Variants in ZBTB20 observed in about 807,000 individuals in gnomAD.
ZBTB20 encodes zinc finger and BTB domain containing 20.
In ZBTB20, 9 loss-of-function variants were observed where a neutral mutation model predicts 56.9. The ratio of observed to expected loss-of-function variants is 0.16; its 90% confidence interval spans 0.10 to 0.28. ZBTB20 has a LOEUF of 0.28. ZBTB20 is among the 10% of genes least tolerant of loss of function. The pLI is 1.00. For synonymous variants in ZBTB20, 417 were observed against 420.7 expected (o/e 0.99, Z 0.11); for missense variants, 655 against 1,003.0 (o/e 0.65, Z 4.69).
chr3:114,456,317 G>A (rs934261494), intron 7 of ZBTB20, among the ~76,000 whole-genome samples: 1 of 151,896 alleles, frequency 6.6e-6, no homozygotes, highest in Non-Finnish European at 1.5e-5. Flanking sequence ...TAGAGGCCTC[G>A]TCTCAGCAAG....
intron 3 of ZBTB20, among the ~76,000 whole-genome samples, chr3:114,927,950 C>T (rs1213649316): frequency 6.6e-6 from 1 of 152,148 alleles, no homozygotes; most frequent in Non-Finnish European, 1.5e-5. Flanking sequence ...CTTTGATATA[C>T]CCCTGGATGT....
chr3:114,577,827 G>A (rs1056087736), intron 6 of ZBTB20, among the ~76,000 whole-genome samples: 1 of 152,224 alleles, frequency 6.6e-6, no homozygotes, highest in African/African-American at 2.4e-5. Flanking sequence ...AGCTACCATT[G>A]TAAGATCTGG....
intron 6 of ZBTB20, among the ~76,000 whole-genome samples, chr3:114,531,795 A>T (rs2953677): frequency 0.26 from 39,691 of 152,148 alleles, 5,629 homozygotes; most frequent in African/African-American, 0.39. Flanking sequence ...TACCTGGCTC[A>T]TCTCATTGGG....
At chr3:114,545,501 G>A (rs1276488024) in intron 6 of ZBTB20, among the ~76,000 whole-genome samples, 3 of 152,172 alleles carry the variant, frequency 2.0e-5, no homozygotes, top group African/African-American at 7.2e-5. Flanking sequence ...CATTGTGTGA[G>A]CCACTTGATC....
chr3:114,561,872 C>T (rs2052100909), intron 6 of ZBTB20, among the ~76,000 whole-genome samples: 1 of 152,010 alleles, frequency 6.6e-6, no homozygotes, highest in Non-Finnish European at 1.5e-5. Context: ...CCCTAAATGG[C>T]ATTTCCTTCC....
At chr3:114,831,293 A>C (rs555255254) in intron 4 of ZBTB20, among the ~76,000 whole-genome samples, 2 of 151,914 alleles carry the variant, frequency 1.3e-5, no homozygotes, top group Non-Finnish European at 2.9e-5. Flanking sequence ...TAAGGGCGCA[A>C]GCTCAGAAAC....
chr3:114,745,375 T>G (rs2066957892), intron 5 of ZBTB20, among the ~76,000 whole-genome samples: 1 of 152,154 alleles, frequency 6.6e-6, no homozygotes, highest in Non-Finnish European at 1.5e-5. Flanking sequence ...CCATGGTTAC[T>G]CTCCTTTGGA....
chr3:114,483,541 T>A (rs1230069009), intron 7 of ZBTB20, among the ~76,000 whole-genome samples: 1 of 152,070 alleles, frequency 6.6e-6, no homozygotes, highest in African/African-American at 2.4e-5. Context: ...GAAAGTATCA[T>A]ATAAGCATAC....
At chr3:114,460,064 T>C (rs2092254505) in intron 7 of ZBTB20, among the ~76,000 whole-genome samples, 1 of 152,054 alleles carries the variant, frequency 6.6e-6, no homozygotes, top group African/African-American at 2.4e-5. Flanking sequence ...GTAAAAAAAC[T>C]TGGTAGAAGT....
intron 10 of ZBTB20, among the ~76,000 whole-genome samples, chr3:114,363,055 A>C (rs1185519349): frequency 6.6e-6 from 1 of 152,210 alleles, no homozygotes; most frequent in Admixed American, 6.5e-5. Flanking sequence ...AAAAGACACT[A>C]GTTTTCTCTT....
intron 5 of ZBTB20, among the ~76,000 whole-genome samples, chr3:114,787,334 TATA>T (rs2070584463): frequency 5.4e-4 from 1 of 1,868 alleles, no homozygotes; most frequent in African/African-American, 6.3e-4. Flanking sequence ...TAAAAGGTTA[TATA>T]TATATATATA....
chr3:114,832,907 T>C (rs2073929400), intron 4 of ZBTB20, among the ~76,000 whole-genome samples: 1 of 152,124 alleles, frequency 6.6e-6, no homozygotes, highest in Non-Finnish European at 1.5e-5. Flanking sequence ...CATGTACAAT[T>C]TCATAACAGT....
In ZBTB20 at chr3:114,325,604, A is replaced by G. The variant is rs1309525096; in HGVS notation, c.*13401T>C. Reference sequence around the variant, plus strand: ...TAATGAGAGATAGGCAAGAACAACAAGGGGTGAGTAGTGCTAACTTTCTCC... The same window carrying G: ...TAATGAGAGATAGGCAAGAACAACAGGGGGTGAGTAGTGCTAACTTTCTCC... On this transcript the variant is annotated 3_prime_UTR_variant, in exon 12 of 12. Coordinates refer to ENST00000675478, the MANE Select transcript of ZBTB20 (RefSeq NM_001348800.3). The G allele has an allele frequency of 6.6e-6, 1 of 152,202 alleles. No homozygotes were observed. Among genetic ancestry groups the G allele is most frequent in the Non-Finnish European group, 1.5e-5 (1 of 68,048 alleles). The allele number at this position is 152,202 out of a possible 1,614,324, so 9.4% of individuals were successfully genotyped here. A position where few individuals can be genotyped will look rare whatever the true frequency, so the allele number is the denominator to read the frequency against.
chr3:115,065,577 A>G (rs1365683182), intron 2 of ZBTB20, among the ~76,000 whole-genome samples: 1 of 152,170 alleles, frequency 6.6e-6, no homozygotes, highest in East Asian at 1.9e-4. Flanking sequence ...ATGGAAAAAC[A>G]TGTGTTCAAT....
At chr3:114,880,147 G>A (rs1284124586) in intron 4 of ZBTB20, among the ~76,000 whole-genome samples, 1 of 152,168 alleles carries the variant, frequency 6.6e-6, no homozygotes, top group Non-Finnish European at 1.5e-5. Context: ...TGATTAGTAT[G>A]AGTAAGTGGT....
intron 2 of ZBTB20, among the ~76,000 whole-genome samples, chr3:115,043,446 G>A (rs1196019977): frequency 2.0e-5 from 3 of 151,324 alleles, no homozygotes; most frequent in Admixed American, 6.6e-5. Context: ...GCAGCCGCCT[G>A]TAATCCCAGC....
At chr3:114,900,465 T>G (rs987296330) in intron 3 of ZBTB20, 123 bp from the exon 4 acceptor site, 5 of 151,794 alleles carry the variant, frequency 3.3e-5, no homozygotes, top group Non-Finnish European at 7.4e-5. Context: ...TAAATTATTT[T>G]TTATCAATAT....
At chr3:114,462,479 A>AT (rs1234911644) in intron 7 of ZBTB20, among the ~76,000 whole-genome samples, 1 of 152,194 alleles carries the variant, frequency 6.6e-6, no homozygotes, top group Non-Finnish European at 1.5e-5. Flanking sequence ...CAGAACCACA[A>AT]TTTTTTATCA....
chr3:114,684,911 C>G (rs565104202), intron 6 of ZBTB20, among the ~76,000 whole-genome samples: 3 of 152,020 alleles, frequency 2.0e-5, no homozygotes, highest in Admixed American at 2.0e-4. Flanking sequence ...CCCTGGGGAC[C>G]ATTTAGGCTC....
Sources: gnomAD v4.1 joint callset for allele counts (sites outside exome capture counted in the v4.1 genomes callset) on GRCh38, gnomAD v4.1.1 for gene constraint, MANE v1.5 for transcripts, NCBI Gene and HGNC (gene_info 2026-07-23, HGNC 2026-07-21) for gene names.